The following ERBB4 variants were observed in gnomAD, a reference collection of about 807,000 sequenced individuals.
The protein encoded by ERBB4 is receptor tyrosine-protein kinase erbB-4.
A neutral mutation model predicts 158.0 loss-of-function variants in ERBB4; 42 were observed. The observed-to-expected ratio is 0.27, with a 90% CI of 0.21 to 0.34. ERBB4 has a LOEUF of 0.34. Among genes scored for constraint, ERBB4 ranks in the 10% least tolerant of loss-of-function variants. The pLI is 1.00. For missense variants in ERBB4, 1,333 were observed against 1,624.1 expected (o/e 0.82, Z 3.08); for synonymous variants, 583 against 558.7 (o/e 1.04, Z -0.61).
chr2:211,588,817 C>T (rs899436335), intron 19 of ERBB4, among the ~76,000 whole-genome samples: 3 of 152,014 alleles, frequency 2.0e-5, no homozygotes, highest in African/African-American at 4.8e-5. Context: ...CACTGAAAGG[C>T]AGATTGAGAA....
chr2:212,144,160 A>AC (rs1469867641), intron 1 of ERBB4, among the ~76,000 whole-genome samples: 1 of 152,016 alleles, frequency 6.6e-6, no homozygotes, highest in East Asian at 1.9e-4. Context: ...ATGCATGCTA[A>AC]CTTTTTTTCA....
chr2:211,664,272 G>A (rs577009351), intron 15 of ERBB4, among the ~76,000 whole-genome samples: 1 of 151,848 alleles, frequency 6.6e-6, no homozygotes, highest in South Asian at 2.1e-4. Context: ...TCTGTTTATG[G>A]AATCTCACAC....
At chr2:212,454,643 CA>C (rs1688186790) in intron 1 of ERBB4, among the ~76,000 whole-genome samples, 1 of 152,172 alleles carries the variant, frequency 6.6e-6, no homozygotes, top group Admixed American at 6.5e-5. Flanking sequence ...CTTCATTAAT[CA>C]AAATTTTCAC....
chr2:211,522,854 A>G (rs2066226179), intron 20 of ERBB4, among the ~76,000 whole-genome samples: 1 of 152,084 alleles, frequency 6.6e-6, no homozygotes, highest in African/African-American at 2.4e-5. Flanking sequence ...TAGTATAAAC[A>G]TAACTTTTGT....
intron 1 of ERBB4, among the ~76,000 whole-genome samples, chr2:212,346,458 A>T (rs974014240): frequency 4.1e-5 from 6 of 146,368 alleles, no homozygotes; most frequent in African/African-American, 1.4e-4. Context: ...AATTCACACT[A>T]AACTTTGCTA....
intron 20 of ERBB4, among the ~76,000 whole-genome samples, chr2:211,503,405 GT>G (rs1203632826): frequency 6.6e-6 from 1 of 152,080 alleles, no homozygotes; most frequent in Non-Finnish European, 1.5e-5. Context: ...TGAACCACAT[GT>G]CCCCAGGCCC....
At chr2:211,563,426 A>G (rs1444748716) in intron 19 of ERBB4, among the ~76,000 whole-genome samples, 1 of 152,210 alleles carries the variant, frequency 6.6e-6, no homozygotes, top group Non-Finnish European at 1.5e-5. Context: ...ATTGTAGGAC[A>G]TTCTGCAAAG....
intron 2 of ERBB4, among the ~76,000 whole-genome samples, chr2:212,050,464 T>G (rs139803190): frequency 6.6e-6 from 1 of 152,218 alleles, no homozygotes; most frequent in Non-Finnish European, 1.5e-5. Flanking sequence ...CCACATGGAA[T>G]AGTCCTCCTG....
intron 1 of ERBB4, among the ~76,000 whole-genome samples, chr2:212,229,349 C>A (rs1227914400): frequency 2.0e-5 from 3 of 152,038 alleles, no homozygotes; most frequent in African/African-American, 7.2e-5. Context: ...CAAGTCAGAG[C>A]TGAGAAATGG....
At chr2:211,699,268 G>A (rs2073141642) in intron 12 of ERBB4, among the ~76,000 whole-genome samples, 1 of 152,148 alleles carries the variant, frequency 6.6e-6, no homozygotes, top group Non-Finnish European at 1.5e-5. Context: ...CATGCACGCT[G>A]ATATGCATAT....
chr2:212,375,842 G>A (rs2090300055), intron 1 of ERBB4, among the ~76,000 whole-genome samples: 1 of 152,068 alleles, frequency 6.6e-6, no homozygotes. Context: ...AATTTAGGGT[G>A]AAGCATTGGT....
At chr2:211,458,047 A>G (rs759971880) in intron 20 of ERBB4, among the ~76,000 whole-genome samples, 1 of 142,280 alleles carries the variant, frequency 7.0e-6, no homozygotes, top group Non-Finnish European at 1.6e-5. Flanking sequence ...TCAGTGCAAT[A>G]GATATATTTG....
chr2:211,659,636 A>T (rs1401920025), intron 15 of ERBB4, among the ~76,000 whole-genome samples: 1 of 152,184 alleles, frequency 6.6e-6, no homozygotes, highest in South Asian at 2.1e-4. Flanking sequence ...AAGATTAAAA[A>T]AAATTCAAAA....
chr2:212,160,728 A>T (rs190029830), intron 1 of ERBB4, among the ~76,000 whole-genome samples: 1 of 152,068 alleles, frequency 6.6e-6, no homozygotes, highest in African/African-American at 2.4e-5. Flanking sequence ...ACTCTTCATG[A>T]ATTCTGTTAA....
At chr2:212,534,297 C>A (rs1692919559) in intron 1 of ERBB4, among the ~76,000 whole-genome samples, 1 of 152,162 alleles carries the variant, frequency 6.6e-6, no homozygotes. Context: ...TCCAAGAGTA[C>A]TTAGAAAGAG....
chr2:212,404,119 C>T (rs2091282302), intron 1 of ERBB4, among the ~76,000 whole-genome samples: 1 of 151,880 alleles, frequency 6.6e-6, no homozygotes, highest in African/African-American at 2.4e-5. Context: ...TTCACACGAG[C>T]CATGAGGGAA....
At chr2:212,441,365 CT>C (rs1560330120) in intron 1 of ERBB4, among the ~76,000 whole-genome samples, 2 of 152,164 alleles carry the variant, frequency 1.3e-5, no homozygotes, top group African/African-American at 4.8e-5. Flanking sequence ...ATAGCCTCCC[CT>C]GAGGCAGTTG....
intron 20 of ERBB4, among the ~76,000 whole-genome samples, chr2:211,444,028 C>T (rs574384399): frequency 1.3e-5 from 2 of 152,090 alleles, no homozygotes; most frequent in South Asian, 4.1e-4. Context: ...CTATCAACTG[C>T]CAACCACATC....
At chr2:211,881,660 G>A (rs2078666738) in intron 3 of ERBB4, among the ~76,000 whole-genome samples, 1 of 152,068 alleles carries the variant, frequency 6.6e-6, no homozygotes, top group African/African-American at 2.4e-5. Context: ...CCAGTTTTTC[G>A]GACCCTATGT....
Sources: allele counts gnomAD v4.1 joint callset (sites outside exome capture counted in the v4.1 genomes callset), GRCh38; gene constraint gnomAD v4.1.1; transcripts MANE v1.5; gene names NCBI Gene and HGNC (gene_info 2026-07-23, HGNC 2026-07-21).